The following SHISA6 variants were observed in gnomAD, a reference collection of about 807,000 sequenced individuals.
SHISA6 encodes the protein protein shisa-6.
SHISA6 carries 22 observed loss-of-function variants against 47.9 expected under a neutral mutation model. The observed-to-expected ratio is 0.46, with a 90% CI of 0.33 to 0.66. The LOEUF (loss-of-function observed/expected upper bound fraction) is 0.66, where lower values mean the gene tolerates loss of function less well. Among genes scored for constraint, SHISA6 ranks in the 30% least tolerant of loss-of-function variants. The probability of loss-of-function intolerance (pLI) is 0.02; values close to 1 mark genes in which losing one functional copy is unlikely to be tolerated. For missense variants in SHISA6, 680 were observed against 764.6 expected, an observed-to-expected ratio of 0.89 and a Z score of 1.30; for synonymous variants, 388 against 337.8, an observed-to-expected ratio of 1.15 and a Z score of -1.63.
chr17:11,283,416 A>AG (rs1333309463), intron 2 of SHISA6, among the ~76,000 whole-genome samples: 2 of 152,214 alleles, frequency 1.3e-5, no homozygotes, highest in Non-Finnish European at 2.9e-5. Context: ...TTCTGATTCA[A>AG]GGTCTGATTT....
chr17:11,418,007 T>C (rs1215022586), intron 3 of SHISA6, among the ~76,000 whole-genome samples: 2 of 152,180 alleles, frequency 1.3e-5, no homozygotes, highest in African/African-American at 4.8e-5. Flanking sequence ...CACACATTAG[T>C]GTATCTTGTG....
chr17:11,358,689 C>T (rs527718005), intron 2 of SHISA6, among the ~76,000 whole-genome samples: 7 of 131,084 alleles, frequency 5.3e-5, no homozygotes, highest in Admixed American at 1.5e-4. Context: ...TTAAAGAATA[C>T]GTCTCACTCT....
chr17:11,283,788 ATG>A (rs1909203981), intron 2 of SHISA6, among the ~76,000 whole-genome samples: 1 of 152,204 alleles, frequency 6.6e-6, no homozygotes, highest in Non-Finnish European at 1.5e-5. Flanking sequence ...TTAGTGACTA[ATG>A]GGAAAATTCC....
At chr17:11,491,489 G>A (rs1038652433) in intron 3 of SHISA6, among the ~76,000 whole-genome samples, 5 of 151,834 alleles carry the variant, frequency 3.3e-5, no homozygotes, top group African/African-American at 7.3e-5. Flanking sequence ...TTGTGGAGAC[G>A]GGGGTCTCAC....
intron 3 of SHISA6, among the ~76,000 whole-genome samples, chr17:11,516,832 A>G (rs143144917): frequency 3.5e-4 from 53 of 152,290 alleles, no homozygotes; most frequent in Middle Eastern, 3.4e-3. Context: ...TCTTGGTATA[A>G]TACTCATTCC....
At chr17:11,440,057 T>C (rs1190772354) in intron 3 of SHISA6, among the ~76,000 whole-genome samples, 1 of 152,224 alleles carries the variant, frequency 6.6e-6, no homozygotes, top group Non-Finnish European at 1.5e-5. Flanking sequence ...GCTAACACAG[T>C]TAATTCAATT....
chr17:11,418,811 C>T (rs1285929169), intron 3 of SHISA6, among the ~76,000 whole-genome samples: 1 of 152,180 alleles, frequency 6.6e-6, no homozygotes, highest in African/African-American at 2.4e-5. Flanking sequence ...TGAATTTGTT[C>T]TTTTCTTTCT....
intron 3 of SHISA6, among the ~76,000 whole-genome samples, chr17:11,389,500 C>T (rs1913317005): frequency 1.3e-5 from 2 of 152,204 alleles, no homozygotes; most frequent in South Asian, 4.1e-4. Context: ...CCTCAGCATT[C>T]ACCAGCTTGT....
chr17:11,486,420 G>T (rs1407872948), intron 3 of SHISA6, among the ~76,000 whole-genome samples: 1 of 152,216 alleles, frequency 6.6e-6, no homozygotes, highest in Non-Finnish European at 1.5e-5. Flanking sequence ...CTAGCACAAG[G>T]CTTGGCACAT....
intron 2 of SHISA6, among the ~76,000 whole-genome samples, chr17:11,362,027 G>A (rs1488786622): frequency 1.3e-5 from 2 of 152,078 alleles, no homozygotes; most frequent in South Asian, 2.1e-4. Context: ...GGTTTTCCAG[G>A]CCCAGGATCA....
At chr17:11,360,798 T>TAA (rs367867682) in intron 2 of SHISA6, among the ~76,000 whole-genome samples, 100 of 137,436 alleles carry the variant, frequency 7.3e-4, no homozygotes, top group African/African-American at 1.0e-3. Context: ...AAAGTAAAAT[T>TAA]AAAAAAAAAA....
rs141760842 is a variant in SHISA6 at position 11,416,365 on chromosome 17, C to T, written c.895+36856C>T. Among the ~76,000 whole-genome samples, 785 of 152,282 alleles carry T rather than the reference C, an allele frequency of 5.2e-3. 8 individuals are homozygous for T. The highest frequency in any genetic ancestry group is 0.018 in the African/African-American group (763 of 41,540). On this transcript the variant is annotated intron_variant, in intron 3 of 5. Coordinates refer to ENST00000441885, the MANE Select transcript of SHISA6 (RefSeq NM_207386.4). The stretch of plus-strand genomic sequence containing the variant: ...TAATCTGCATGGTGGATCTCCAAGA[C>T]GGCAGTATTATTTTCATTGTTGGCC...
chr17:11,361,141 C>A (rs1912268302), intron 2 of SHISA6, among the ~76,000 whole-genome samples: 1 of 151,188 alleles, frequency 6.6e-6, no homozygotes. Flanking sequence ...AGTACAAGTT[C>A]TCCTTTATTA....
At chr17:11,354,556 C>T (rs114355885) in intron 2 of SHISA6, among the ~76,000 whole-genome samples, 29 of 152,294 alleles carry the variant, frequency 1.9e-4, no homozygotes, top group East Asian at 1.2e-3. Context: ...ATTAATGAGA[C>T]GCATCTCAAC....
chr17:11,277,296 A>T (rs1384268331), intron 2 of SHISA6, among the ~76,000 whole-genome samples: 19 of 146,470 alleles, frequency 1.3e-4, no homozygotes, highest in Middle Eastern at 3.5e-3. Context: ...ACACACACAC[A>T]CACACACACA....
At chr17:11,426,177 T>A (rs778263983) in intron 3 of SHISA6, among the ~76,000 whole-genome samples, 21 of 152,202 alleles carry the variant, frequency 1.4e-4, no homozygotes, top group Non-Finnish European at 2.6e-4. Context: ...GTCTAAGAAT[T>A]TCAGTCTTTT....
At position 11,349,213 on chromosome 17, in the gene SHISA6, C is replaced by T. The variant is rs188419652; in HGVS notation, c.800-30201C>T. Among the ~76,000 whole-genome samples the T allele has an allele frequency of 3.9e-3, 588 of 152,276 alleles. 3 individuals are homozygous for T. Among genetic ancestry groups the T allele is most frequent in the Non-Finnish European group, 6.3e-3 (431 of 68,012 alleles). Reference sequence around the variant, plus strand: ...ACCACATAAATTTACCATTCCATTTCGCCATTGTTTCTGCCCATCATGGAT... The same window carrying T: ...ACCACATAAATTTACCATTCCATTTTGCCATTGTTTCTGCCCATCATGGAT... On this transcript the variant is annotated intron_variant, in intron 2 of 5. Coordinates refer to ENST00000441885, the MANE Select transcript of SHISA6 (RefSeq NM_207386.4).
intron 3 of SHISA6, among the ~76,000 whole-genome samples, chr17:11,538,356 CGACCTACCTGAGT>C (rs2071805171): frequency 6.6e-6 from 1 of 152,108 alleles, no homozygotes; most frequent in Non-Finnish European, 1.5e-5. Context: ...CCACCACATC[CGACCTACCTGAGT>C]TTTATCTTCA....
At chr17:11,503,370 CTG>C (rs2071471450) in intron 3 of SHISA6, among the ~76,000 whole-genome samples, 1 of 149,618 alleles carries the variant, frequency 6.7e-6, no homozygotes, top group Admixed American at 6.8e-5. Flanking sequence ...TTTGCAATCT[CTG>C]GATATTTCCA....
Sources: allele counts gnomAD v4.1 joint callset (sites outside exome capture counted in the v4.1 genomes callset), GRCh38; gene constraint gnomAD v4.1.1; transcripts MANE v1.5; gene names NCBI Gene and HGNC (gene_info 2026-07-23, HGNC 2026-07-21).